The following HMGCLL1 variants were observed in gnomAD, a reference collection of about 807,000 sequenced individuals.
The protein encoded by HMGCLL1 is 3-hydroxymethyl-3-methylglutaryl-CoA lyase, cytoplasmic.
Under a neutral mutation model 39.1 loss-of-function variants are expected in HMGCLL1, and 36 were observed. The ratio of observed to expected loss-of-function variants is 0.92; its 90% CI spans 0.71 to 1.22. HMGCLL1 has a LOEUF of 1.22. Ranked by LOEUF, HMGCLL1 falls within the 50% of genes most tolerant of loss-of-function variation. The pLI is 0.00. For synonymous variants in HMGCLL1, 149 were observed against 144.0 expected (o/e 1.03, Z -0.25); for missense variants, 451 against 416.5 (o/e 1.08, Z -0.72).
Position 55,514,080 on chromosome 6 carries a change from C to T in HMGCLL1, c.510G>A (p.Lys170=), listed in dbSNP as rs948405578. The change falls in exon 5 of 9, where the codon AAG becomes AAA. Residue 170 remains lysine, a synonymous_variant. Transcript: ENST00000274901. ...CTGGAATATTCATGTGTCTTGCAGA[C>T]TTAACAACCTCCTCAAATTTTCCCA... The part of the protein sequence containing the change: ...ESMGKFEEVV[K]SARHMNIPAR... The T allele has an allele frequency of 6.2e-7, 1 of 1,613,122 alleles. No individual in the cohort carries two copies. Among genetic ancestry groups the T allele is most frequent in the Non-Finnish European group, 8.5e-7 (1 of 1,179,586 alleles).
intron 1 of HMGCLL1, among the ~76,000 whole-genome samples, chr6:55,555,609 C>T (rs1161064061): frequency 1.3e-5 from 2 of 152,192 alleles, no homozygotes; most frequent in African/African-American, 4.8e-5. Context: ...GGGTACAATT[C>T]ATCCAATCAG....
chr6:55,514,839 C>T (rs1439852242), intron 4 of HMGCLL1, among the ~76,000 whole-genome samples: 2 of 152,146 alleles, frequency 1.3e-5, no homozygotes, highest in African/African-American at 4.8e-5. Context: ...CTTCCAGGCT[C>T]TCCAGTGACT....
At chr6:55,557,794 A>AG (rs1357283580) in intron 1 of HMGCLL1, among the ~76,000 whole-genome samples, 1 of 152,176 alleles carries the variant, frequency 6.6e-6, no homozygotes, top group Non-Finnish European at 1.5e-5. Context: ...CAAGGGGGAA[A>AG]GGGGTTAGCA....
chr6:55,468,591 A>G (rs1764891188), intron 7 of HMGCLL1, among the ~76,000 whole-genome samples: 1 of 151,920 alleles, frequency 6.6e-6, no homozygotes, highest in African/African-American at 2.4e-5. Context: ...GAGAAAAGCT[A>G]ACACCCCTAG....
chr6:55,595,423 T>A, the HMGCLL1 span, among the ~76,000 whole-genome samples: 1 of 152,224 alleles, frequency 6.6e-6, no homozygotes, highest in Admixed American at 6.5e-5. Flanking sequence ...TGACATATAT[T>A]TATTACATTA....
chr6:55,640,477 G>A, the HMGCLL1 span, among the ~76,000 whole-genome samples: 1 of 151,832 alleles, frequency 6.6e-6, no homozygotes, highest in East Asian at 1.9e-4. Context: ...AACTTGTGCT[G>A]TATAAAGAAA....
At chr6:55,609,833 G>T in the HMGCLL1 span, among the ~76,000 whole-genome samples, 1 of 152,136 alleles carries the variant, frequency 6.6e-6, no homozygotes, top group Non-Finnish European at 1.5e-5. Flanking sequence ...GGAAGCACCT[G>T]TCTTTGCTGT....
At chr6:55,604,959 T>C in the HMGCLL1 span, among the ~76,000 whole-genome samples, 3 of 152,234 alleles carry the variant, frequency 2.0e-5, no homozygotes, top group Non-Finnish European at 4.4e-5. Context: ...ATGATATAAG[T>C]GTAGTTTACA....
the HMGCLL1 span, among the ~76,000 whole-genome samples, chr6:55,611,101 G>T: frequency 6.6e-6 from 1 of 152,086 alleles, no homozygotes; most frequent in African/African-American, 2.4e-5. Context: ...TCAAGATTAA[G>T]AAACTCACTC....
chr6:55,603,064 A>G, the HMGCLL1 span, among the ~76,000 whole-genome samples: 1 of 152,102 alleles, frequency 6.6e-6, no homozygotes, highest in Non-Finnish European at 1.5e-5. Flanking sequence ...GACTGGGGAA[A>G]TAGTATAAAA....
At chr6:55,647,473 T>C in the HMGCLL1 span, among the ~76,000 whole-genome samples, 84 of 152,102 alleles carry the variant, frequency 5.5e-4, no homozygotes, top group African/African-American at 1.5e-3. Context: ...CTTCTCTTCC[T>C]TCTTTTCTCT....
At chr6:55,617,838 A>T in the HMGCLL1 span, among the ~76,000 whole-genome samples, 1 of 152,150 alleles carries the variant, frequency 6.6e-6, no homozygotes, top group African/African-American at 2.4e-5. Context: ...GTAGGTCCAC[A>T]GCAGGATGGC....
the HMGCLL1 span, among the ~76,000 whole-genome samples, chr6:55,615,327 CAT>C: frequency 1.3e-5 from 2 of 152,066 alleles, no homozygotes; most frequent in African/African-American, 2.4e-5. Flanking sequence ...AAAGCGTACA[CAT>C]GAGGAATAAC....
chr6:55,576,230 T>C (rs914972210), intron 1 of HMGCLL1, among the ~76,000 whole-genome samples: 4 of 152,148 alleles, frequency 2.6e-5, no homozygotes, highest in African/African-American at 7.2e-5. Flanking sequence ...GAGGGTAACA[T>C]GCAAGTTGAG....
intron 1 of HMGCLL1, among the ~76,000 whole-genome samples, chr6:55,560,470 G>T (rs1409987987): frequency 6.6e-6 from 1 of 152,052 alleles, no homozygotes; most frequent in African/African-American, 2.4e-5. Context: ...TCCAATTTCA[G>T]TTTTTTATAA....
chr6:55,516,615 A>G lies in HMGCLL1; in HGVS notation c.298-12T>C, dbSNP rs766696457. ...GTGTGATCAGCCATCTTAAATACATAATAGTTATATGTAAATGTGTAACTT... is the reference window on the plus strand; with the variant it reads ...GTGTGATCAGCCATCTTAAATACATGATAGTTATATGTAAATGTGTAACTT... On this transcript the variant is annotated splice_polypyrimidine_tract_variant and intron_variant, in intron 3 of 8. Transcript: ENST00000274901. 1.3e-6 allele frequency: 2 copies of G among 1,539,624 alleles called. No homozygotes were observed. The highest frequency in any genetic ancestry group is 1.8e-6 in the Non-Finnish European group (2 of 1,120,254).
intron 7 of HMGCLL1, among the ~76,000 whole-genome samples, chr6:55,488,149 G>A (rs116426588): frequency 1.3e-3 from 204 of 152,194 alleles, no homozygotes; most frequent in African/African-American, 4.7e-3. Flanking sequence ...TTTTGGGCTA[G>A]GAGGACAGAG....
intron 3 of HMGCLL1, among the ~76,000 whole-genome samples, chr6:55,539,830 C>G (rs933084201): frequency 1.4e-5 from 2 of 140,474 alleles, no homozygotes; most frequent in Non-Finnish European, 3.0e-5. Flanking sequence ...AACAAACCTG[C>G]ACTTGTACCC....
the HMGCLL1 span, among the ~76,000 whole-genome samples, chr6:55,654,464 G>T: frequency 3.3e-5 from 5 of 151,976 alleles, no homozygotes; most frequent in East Asian, 7.8e-4. Flanking sequence ...AGTTGCTTAT[G>T]AGCATATATC....
Sources: allele counts gnomAD v4.1 joint callset (sites outside exome capture counted in the v4.1 genomes callset), GRCh38; gene constraint gnomAD v4.1.1; transcripts MANE v1.5; gene names NCBI Gene and HGNC (gene_info 2026-07-23, HGNC 2026-07-21).